SYT2: variants seen among roughly 807,000 people sequenced by gnomAD.
SYT2 encodes the protein synaptotagmin-2.
In SYT2, 15 loss-of-function variants were observed where a neutral mutation model predicts 39.9. The ratio of observed to expected loss-of-function variants is 0.38; its 90% confidence interval spans 0.25 to 0.58. SYT2 has a LOEUF of 0.58. Ranked by LOEUF, SYT2 falls within the 20% of genes least tolerant of loss-of-function variation. The probability of loss-of-function intolerance (pLI) is 0.70; values close to 1 mark genes in which losing one functional copy is unlikely to be tolerated. For missense variants in SYT2, 389 were observed against 530.3 expected, an observed-to-expected ratio of 0.73 and a Z score of 2.62; for synonymous variants, 181 against 204.5, an observed-to-expected ratio of 0.89 and a Z score of 0.98.
chr1:202,655,961 G>A (rs1692270569), intron 1 of SYT2, among the ~76,000 whole-genome samples: 1 of 152,144 alleles, frequency 6.6e-6, no homozygotes, highest in Non-Finnish European at 1.5e-5. Flanking sequence ...GGAGAGGGGG[G>A]CTTCCCTGTC....
intron 1 of SYT2, among the ~76,000 whole-genome samples, chr1:202,704,371 TCC>T (rs34923404): frequency 1.1e-3 from 168 of 152,272 alleles, no homozygotes; most frequent in African/African-American, 3.8e-3. Context: ...CTCCTTTACA[TCC>T]CAGGTGCCTT....
At chr1:202,696,456 T>G (rs562378982) in intron 1 of SYT2, among the ~76,000 whole-genome samples, 17 of 152,352 alleles carry the variant, frequency 1.1e-4, no homozygotes, top group African/African-American at 3.8e-4. Flanking sequence ...ACTTTTTACT[T>G]CATTCCAATG....
intron 1 of SYT2, among the ~76,000 whole-genome samples, chr1:202,686,526 G>A (rs1284248553): frequency 6.6e-6 from 1 of 152,138 alleles, no homozygotes; most frequent in Non-Finnish European, 1.5e-5. Flanking sequence ...ACTGGCCTGA[G>A]AAAGAAGTGG....
At chr1:202,659,635 C>G (rs1692342529) in intron 1 of SYT2, among the ~76,000 whole-genome samples, 2 of 152,206 alleles carry the variant, frequency 1.3e-5, no homozygotes, top group African/African-American at 4.8e-5. Flanking sequence ...TTGGGCACAG[C>G]AGGTGGTGAG....
intron 1 of SYT2, among the ~76,000 whole-genome samples, chr1:202,701,309 G>C (rs1035446884): frequency 6.6e-6 from 1 of 152,164 alleles, no homozygotes; most frequent in Non-Finnish European, 1.5e-5. Flanking sequence ...AGATAAAATG[G>C]TATCCCATGG....
At chr1:202,646,248 CCTCA>C (rs1293597237) in intron 1 of SYT2, among the ~76,000 whole-genome samples, 2 of 152,234 alleles carry the variant, frequency 1.3e-5, no homozygotes, top group Non-Finnish European at 2.9e-5. Flanking sequence ...CTGCCCACTC[CCTCA>C]CTGTCTCCTT....
At chr1:202,597,550 G>C (rs1279231517) in intron 8 of SYT2, among the ~76,000 whole-genome samples, 1 of 152,240 alleles carries the variant, frequency 6.6e-6, no homozygotes, top group Non-Finnish European at 1.5e-5. Context: ...TTGAGGTATA[G>C]GGTGAGAAGC....
At chr1:202,707,137 G>C (rs960723244) in intron 1 of SYT2, among the ~76,000 whole-genome samples, 1 of 152,196 alleles carries the variant, frequency 6.6e-6, no homozygotes, top group Non-Finnish European at 1.5e-5. Context: ...TTCTCAAAAT[G>C]CAATAGTGGA....
chr1:202,639,828 G>A (rs1691850269), intron 1 of SYT2: 1 of 985,320 alleles, frequency 1.0e-6, no homozygotes, highest in African/African-American at 1.7e-5. Flanking sequence ...CAGGACGTTG[G>A]GGCATTTTGG....
At chr1:202,681,436 TCTC>T (rs1195113869) in intron 1 of SYT2, among the ~76,000 whole-genome samples, 3 of 152,072 alleles carry the variant, frequency 2.0e-5, no homozygotes, top group African/African-American at 7.2e-5. Context: ...GTCCTTAACT[TCTC>T]CTGCCATGGC....
At chr1:202,642,250 T>C (rs1298136798) in intron 1 of SYT2, among the ~76,000 whole-genome samples, 4 of 152,100 alleles carry the variant, frequency 2.6e-5, no homozygotes, top group East Asian at 3.9e-4. Context: ...TGACACCCCC[T>C]GCCCCGGAAG....
intron 1 of SYT2, among the ~76,000 whole-genome samples, chr1:202,650,175 C>G (rs982811191): frequency 6.6e-6 from 1 of 152,374 alleles, no homozygotes; most frequent in Non-Finnish European, 1.5e-5. Context: ...AAATAATCAA[C>G]TCCCCTGTCT....
At chr1:202,631,565 C>A (rs1326340299) in intron 1 of SYT2, among the ~76,000 whole-genome samples, 1 of 152,166 alleles carries the variant, frequency 6.6e-6, no homozygotes, top group Admixed American at 6.5e-5. Flanking sequence ...TCTGCCCCCA[C>A]CCAAGACACC....
intron 1 of SYT2, among the ~76,000 whole-genome samples, chr1:202,610,758 A>G (rs1221109140): frequency 6.6e-6 from 1 of 152,116 alleles, no homozygotes; most frequent in Non-Finnish European, 1.5e-5. Flanking sequence ...TAGGAATCCA[A>G]CTTACAAGGG....
At chr1:202,709,675 T>G (rs996593174) in intron 1 of SYT2, among the ~76,000 whole-genome samples, 4 of 152,176 alleles carry the variant, frequency 2.6e-5, no homozygotes, top group African/African-American at 9.6e-5. Flanking sequence ...CTTGGGCCCC[T>G]GCCCCAGCTC....
At chr1:202,612,572 G>T (rs1572623593) in intron 1 of SYT2, among the ~76,000 whole-genome samples, 1 of 152,150 alleles carries the variant, frequency 6.6e-6, no homozygotes. Context: ...TCACCATGCT[G>T]CCCAGGCTGG....
intron 1 of SYT2, among the ~76,000 whole-genome samples, chr1:202,645,441 C>T (rs1572654903): frequency 1.3e-5 from 2 of 152,278 alleles, no homozygotes; most frequent in Middle Eastern, 3.4e-3. Flanking sequence ...GATTCAGGTT[C>T]GACTTTGGGG....
intron 1 of SYT2, among the ~76,000 whole-genome samples, chr1:202,708,850 T>C (rs1654317375): frequency 6.6e-6 from 1 of 152,192 alleles, no homozygotes; most frequent in South Asian, 2.1e-4. Context: ...CACAGAGATG[T>C]TTCTAGCAGC....
chr1:202,643,788 C>T (rs1316618060), intron 1 of SYT2, among the ~76,000 whole-genome samples: 1 of 152,106 alleles, frequency 6.6e-6, no homozygotes, highest in Non-Finnish European at 1.5e-5. Flanking sequence ...GCGGGGCCGG[C>T]TCCGAGCCCC....
Sources: gnomAD v4.1 joint callset for allele counts (sites outside exome capture counted in the v4.1 genomes callset) on GRCh38, gnomAD v4.1.1 for gene constraint, MANE v1.5 for transcripts, NCBI Gene and HGNC (gene_info 2026-07-23, HGNC 2026-07-21) for gene names.